The following CCDC88C variants were observed in gnomAD, a reference collection of about 807,000 sequenced individuals.
CCDC88C encodes coiled-coil and HOOK domain protein 88C.
A neutral mutation model predicts 198.8 loss-of-function variants in CCDC88C; 131 were observed. That is an observed-to-expected ratio of 0.66 (90% CI 0.57 to 0.76). The LOEUF is 0.76. CCDC88C is among the 30% of genes least tolerant of loss of function. The pLI, the probability that CCDC88C is intolerant of heterozygous loss-of-function variation, is 0.00. For missense variants in CCDC88C, 2,553 were observed against 2,631.6 expected (o/e 0.97, Z 0.65); for synonymous variants, 1,166 against 1,114.7 (o/e 1.05, Z -0.92).
At chr14:91,300,213 G>A (rs562073898) in intron 20 of CCDC88C, 143 bp from the exon 21 acceptor site, 3 of 1,264,504 alleles carry the variant, frequency 2.4e-6, no homozygotes, top group South Asian at 1.5e-5. Flanking sequence ...GGGGCATGGG[G>A]CAGGGAACAG....
At chr14:91,396,197 G>A (rs969504756) in intron 3 of CCDC88C, among the ~76,000 whole-genome samples, 3 of 152,196 alleles carry the variant, frequency 2.0e-5, no homozygotes, top group East Asian at 1.9e-4. Flanking sequence ...CCACGCAGCC[G>A]GCTTCACGGA....
At chr14:91,275,106 G>T (rs1889898651) in intron 29 of CCDC88C, among the ~76,000 whole-genome samples, 1 of 152,168 alleles carries the variant, frequency 6.6e-6, no homozygotes. Flanking sequence ...GTGTGTCAGG[G>T]GTACCAGGAG....
At chr14:91,377,551 C>T (rs918059627) in intron 3 of CCDC88C, among the ~76,000 whole-genome samples, 6 of 152,116 alleles carry the variant, frequency 3.9e-5, no homozygotes, top group Non-Finnish European at 8.8e-5. Flanking sequence ...GATGGCCCCC[C>T]CCCGGTGCCA....
Position 91,338,449 on chromosome 14 carries a change from T to G in CCDC88C, c.891+40A>C. 6.6e-7 allele frequency: 1 copy of G among 1,524,902 alleles called. No individual in the cohort carries two copies. 94.5% of individuals were successfully genotyped at this position (1,524,902 alleles called of 1,614,324 possible). A position where few individuals can be genotyped will look rare whatever the true frequency, so the allele number is the denominator to read the frequency against. On this transcript the variant is annotated intron_variant, in intron 9 of 29. Coordinates refer to ENST00000389857, the MANE Select transcript of CCDC88C (RefSeq NM_001080414.4). The surrounding 1 kb of genome is among the most constrained non-coding windows in gnomAD (Gnocchi z 4.8). The stretch of plus-strand genomic sequence containing the variant: ...GCCCCGTTACTGGACACTCCAGCCC[T>G]GCTACCCCCAGGACACACAGGCTCA...
chr14:91,407,979 C>T (rs777365840), intron 3 of CCDC88C, among the ~76,000 whole-genome samples: 1 of 152,124 alleles, frequency 6.6e-6, no homozygotes, highest in Non-Finnish European at 1.5e-5. Flanking sequence ...GGGGTTTCAT[C>T]GCGTTGGCCA....
intron 4 of CCDC88C, among the ~76,000 whole-genome samples, chr14:91,345,190 A>ATATATATATATATATATATTT (rs1246878587): frequency 3.8e-5 from 2 of 52,204 alleles, no homozygotes; most frequent in African/African-American, 1.6e-4. Context: ...ATATATATAT[A>ATATATATATATATATATATTT]TTTTTTTTTT....
rs1259273348 is a variant in CCDC88C at position 91,273,375 on chromosome 14, C to A, written c.5337G>T (p.Leu1779=). 6.5e-7 allele frequency: 1 copy of A among 1,531,676 alleles called. No individual in the cohort carries two copies. The highest frequency in any genetic ancestry group is 1.4e-5 in the African/African-American group (1 of 72,642). 94.9% of individuals were successfully genotyped at this position (1,531,676 alleles called of 1,614,324 possible). ...RQAQPPQSLS[L]GRPRQAPVPP... ...GCACCGGAGCCTGCCGGGGTCTGCCCAGAGACAGGCTCTGGGGAGGCTGGG... is the reference window on the plus strand; with the variant it reads ...GCACCGGAGCCTGCCGGGGTCTGCCAAGAGACAGGCTCTGGGGAGGCTGGG... Residue 1779 remains leucine (L), a synonymous_variant, in exon 30 of 30, where the codon CTG becomes CTT. Coordinates refer to ENST00000389857, the MANE Select transcript of CCDC88C (RefSeq NM_001080414.4). The surrounding 1 kb of genome is among the most constrained non-coding windows in gnomAD (Gnocchi z 5.6).
At chr14:91,391,686 G>A (rs1023680030) in intron 3 of CCDC88C, among the ~76,000 whole-genome samples, 8 of 152,162 alleles carry the variant, frequency 5.3e-5, no homozygotes, top group Non-Finnish European at 1.2e-4. Flanking sequence ...GGCTGAGGCA[G>A]GAGAATCGCT....
rs780472124 is a variant in CCDC88C at position 91,315,673 on chromosome 14, G to T, written c.1642C>A (p.Leu548Met). The T allele has an allele frequency of 6.2e-7, 1 of 1,613,950 alleles. No individual in the cohort carries two copies. The highest frequency in any genetic ancestry group is 8.5e-7 in the Non-Finnish European group (1 of 1,179,892). ...KEQLQSDMET[L>M]KADKARQIKD... ...ACCTGCCTGGCTTTGTCAGCCTTCA[G>T]GGTCTCCATGTCACTCTGCAGCTGC... Residue 548 changes from leucine to methionine, a missense_variant, in exon 14 of 30, where the codon CTG (leucine) becomes ATG (methionine). Coordinates refer to ENST00000389857, the MANE Select transcript of CCDC88C (RefSeq NM_001080414.4).
chr14:91,336,870 A>G (rs929312991), intron 10 of CCDC88C, among the ~76,000 whole-genome samples: 1 of 152,238 alleles, frequency 6.6e-6, no homozygotes, highest in Non-Finnish European at 1.5e-5. Context: ...CTGGGCTCAC[A>G]GCCTTCCCCG....
intron 3 of CCDC88C, among the ~76,000 whole-genome samples, chr14:91,376,724 T>G (rs1033639048): frequency 1.3e-5 from 2 of 152,096 alleles, no homozygotes; most frequent in African/African-American, 2.4e-5. Context: ...GATGGTGCCC[T>G]CCCATGGGGG....
chr14:91,404,075 C>G (rs553675472), intron 3 of CCDC88C, among the ~76,000 whole-genome samples: 2 of 152,356 alleles, frequency 1.3e-5, no homozygotes, highest in Admixed American at 1.3e-4. Context: ...TGCCTGTCCT[C>G]CAGGCTGCTC....
At chr14:91,384,187 A>G (rs1884981230) in intron 3 of CCDC88C, among the ~76,000 whole-genome samples, 1 of 151,946 alleles carries the variant, frequency 6.6e-6, no homozygotes, top group African/African-American at 2.4e-5. Context: ...CTGTAATCCT[A>G]GCACTTTGGG....
intron 4 of CCDC88C, among the ~76,000 whole-genome samples, chr14:91,347,340 T>C (rs551391447): frequency 6.6e-6 from 1 of 152,206 alleles, no homozygotes; most frequent in African/African-American, 2.4e-5. Context: ...CCAAAGCACA[T>C]TACAACAGCA....
intron 3 of CCDC88C, among the ~76,000 whole-genome samples, chr14:91,373,677 G>A (rs1156901042): frequency 2.0e-5 from 3 of 152,164 alleles, no homozygotes; most frequent in Non-Finnish European, 4.4e-5. Flanking sequence ...AGGGCATATC[G>A]GGACACAGTT....
intron 13 of CCDC88C, among the ~76,000 whole-genome samples, chr14:91,316,040 G>A (rs1050645929): frequency 9.9e-5 from 15 of 152,254 alleles, no homozygotes; most frequent in South Asian, 2.1e-4. Context: ...GTGCTCCACC[G>A]CCTGAGGCCG....
chr14:91,272,147 T>C lies in CCDC88C; in HGVS notation c.*478A>G, dbSNP rs1427592509. 1.3e-5 allele frequency: 2 copies of C among 157,950 alleles called. No homozygotes were observed. Among genetic ancestry groups the C allele is most frequent in the African/African-American group, 4.8e-5 (2 of 41,494 alleles). The allele number at this position is 157,950 out of a possible 1,614,324, so 9.8% of individuals were successfully genotyped here. A position where few individuals can be genotyped will look rare whatever the true frequency, so the allele number is the denominator to read the frequency against. ...GTCTGCCAGGCCCTGGAGACCTTTG[T>C]AGTATCGCCAGTCTGGGCTTCTCCT... is the stretch of plus-strand genomic sequence containing the variant. On this transcript the variant is annotated 3_prime_UTR_variant, in exon 30 of 30. Transcript: ENST00000389857.
rs1264211064 is a variant in CCDC88C, at chr14:91,352,151, T to G, written c.340+7491A>C. ...TTGACAAATAGCATCTCTTCCCTCC[T>G]CCGCAGACGGCGGTGGCCACAGAGA... On this transcript the variant is annotated intron_variant, in intron 4 of 29. Coordinates refer to ENST00000389857, the MANE Select transcript of CCDC88C (RefSeq NM_001080414.4). The surrounding 1 kb of genome is among the most constrained non-coding windows in gnomAD (Gnocchi z 4.2). Among the ~76,000 whole-genome samples, 1 of 152,204 alleles carries G rather than the reference T, an allele frequency of 6.6e-6. No individual in the cohort carries two copies. Among genetic ancestry groups the G allele is most frequent in the Non-Finnish European group, 1.5e-5 (1 of 68,036 alleles).
Position 91,284,747 on chromosome 14 carries a change from G to A in CCDC88C, c.4442-1230C>T, listed in dbSNP as rs72699682. Among the ~76,000 whole-genome samples the A allele has an allele frequency of 0.022, 3,410 of 152,280 alleles. 59 individuals carry two copies. Among genetic ancestry groups the A allele is most frequent in the Non-Finnish European group, 0.036 (2,443 of 68,034 alleles). ...TTACCTTGTTTTTATGATGATATGTGTGTTTTCCACTTACAGGACTGATAC... is the reference window on the plus strand; with the variant it reads ...TTACCTTGTTTTTATGATGATATGTATGTTTTCCACTTACAGGACTGATAC... On this transcript the variant is annotated intron_variant, in intron 25 of 29. Transcript: ENST00000389857. The surrounding 1 kb of genome is among the most constrained non-coding windows in gnomAD (Gnocchi z 4.1).
Sources: allele counts gnomAD v4.1 joint callset (sites outside exome capture counted in the v4.1 genomes callset), GRCh38; gene constraint gnomAD v4.1.1; non-coding constraint Gnocchi (gnomAD v3.1); transcripts MANE v1.5; gene names NCBI Gene and HGNC (gene_info 2026-07-23, HGNC 2026-07-21).